Variants in GRK4 observed in about 807,000 individuals in gnomAD.
The protein encoded by GRK4 is G protein-coupled receptor kinase 2-like.
Under a neutral mutation model 77.9 loss-of-function variants are expected in GRK4, and 73 were observed. That is an observed-to-expected ratio of 0.94 (90% CI 0.78 to 1.14). GRK4 has a LOEUF of 1.14. GRK4 is among the 50% of genes most tolerant of loss of function. The probability of loss-of-function intolerance (pLI) is 0.00; values close to 1 mark genes in which losing one functional copy is unlikely to be tolerated. For missense variants in GRK4, 729 were observed against 700.2 expected (o/e 1.04, Z -0.46); for synonymous variants, 257 against 254.4 (o/e 1.01, Z -0.10).
chr4:3,032,318 T>TA lies in GRK4; in HGVS notation c.1269+2919dup, dbSNP rs386399080. On this transcript the variant is annotated intron_variant, in intron 12 of 15. Coordinates refer to ENST00000398052, the MANE Select transcript of GRK4 (RefSeq NM_182982.3). ...CAAGATGGTGAAATCCTATCTCTAC[T>TA]AAAAAAAAAATTAGCCAGGTGCGGT... is the stretch of plus-strand genomic sequence containing the variant. Among the ~76,000 whole-genome samples, 415 of 149,516 alleles carry TA rather than the reference T, an allele frequency of 2.8e-3. 1 individual carries two copies. Among genetic ancestry groups the TA allele is most frequent in the African/African-American group, 8.8e-3 (360 of 40,766 alleles).
intron 1 of GRK4, chr4:2,965,537 C>G: frequency 2.9e-6 from 2 of 689,336 alleles, no homozygotes; most frequent in Non-Finnish European, 5.3e-6. Context: ...CAGCAGCCGG[C>G]GATGCATATT....
chr4:2,972,189 C>T (rs999907904), intron 1 of GRK4, among the ~76,000 whole-genome samples: 1 of 152,138 alleles, frequency 6.6e-6, no homozygotes, highest in East Asian at 1.9e-4. Context: ...TAAGAGGAAT[C>T]CTCTGACAGT....
At chr4:3,024,499 G>C (rs1011731715) in intron 10 of GRK4, among the ~76,000 whole-genome samples, 2 of 152,108 alleles carry the variant, frequency 1.3e-5, no homozygotes, top group African/African-American at 4.8e-5. Flanking sequence ...GGGCTGTAGC[G>C]ATCCGCCTTG....
intron 15 of GRK4, 54 bp downstream of exon 15, chr4:3,038,567 A>C: frequency 7.6e-7 from 1 of 1,308,192 alleles, no homozygotes. Flanking sequence ...AAAAAAAAAC[A>C]TACTGACTGC....
intron 8 of GRK4, among the ~76,000 whole-genome samples, chr4:3,017,522 T>G (rs1560466212): frequency 6.6e-6 from 1 of 152,206 alleles, no homozygotes; most frequent in African/African-American, 2.4e-5. Flanking sequence ...TGAATGAATA[T>G]TCACAAGAGG....
chr4:2,995,730 C>G (rs1241142150), intron 4 of GRK4, among the ~76,000 whole-genome samples: 1 of 152,012 alleles, frequency 6.6e-6, no homozygotes, highest in Non-Finnish European at 1.5e-5. Flanking sequence ...GTGGGACACA[C>G]TTCCAAGTTG....
chr4:2,999,877 A>G (rs895752794), intron 4 of GRK4, among the ~76,000 whole-genome samples: 3 of 152,228 alleles, frequency 2.0e-5, no homozygotes, highest in East Asian at 1.9e-4. Flanking sequence ...TTGTAAATCA[A>G]ATACTGGTAA....
intron 3 of GRK4, among the ~76,000 whole-genome samples, chr4:2,990,179 A>G (rs1208784230): frequency 6.7e-6 from 1 of 149,790 alleles, no homozygotes; most frequent in Non-Finnish European, 1.5e-5. Context: ...TCCTTCCCTC[A>G]GATCTCTCCC....
rs1418479504 is a variant in GRK4 at position 3,019,653 on chromosome 4, T to C, written c.754T>C (p.Tyr252His). The C allele has an allele frequency of 1.2e-6, 2 of 1,612,830 alleles. No individual in the cohort carries two copies. Among genetic ancestry groups the C allele is most frequent in the African/African-American group, 1.3e-5 (1 of 75,006 alleles). ...TTGCTGTCTTTAGGTTAGTTTAGCC[T>C]ACGCTTATGAAACCAAAGATGCCTT... ...VQSRFVVSLAYAYETKDALCL... is the reference protein window; with the variant it reads ...VQSRFVVSLAHAYETKDALCL... Residue 252 changes from tyrosine (Y) to histidine (H), a missense_variant, in exon 9 of 16, where the codon TAC (tyrosine) becomes CAC (histidine). Tyr to His is a moderately conservative substitution (Grantham distance 83). Transcript: ENST00000398052.
intron 12 of GRK4, among the ~76,000 whole-genome samples, chr4:3,033,861 G>A (rs951935200): frequency 3.3e-5 from 5 of 152,206 alleles, no homozygotes; most frequent in South Asian, 2.1e-4. Context: ...CTGGGATTAC[G>A]GGCATGAGCC....
At chr4:3,023,948 G>C (rs1048169733) in intron 10 of GRK4, among the ~76,000 whole-genome samples, 2 of 152,182 alleles carry the variant, frequency 1.3e-5, no homozygotes, top group African/African-American at 4.8e-5. Flanking sequence ...ATGAGAAATG[G>C]TTAGAAGTGA....
chr4:3,025,984 C>T (rs79122244), intron 10 of GRK4, among the ~76,000 whole-genome samples: 1 of 152,350 alleles, frequency 6.6e-6, no homozygotes, highest in Admixed American at 6.5e-5. Context: ...GGCTTCCGTC[C>T]GTCTGCTGTG....
intron 3 of GRK4, among the ~76,000 whole-genome samples, chr4:2,990,246 CTTTTTTTTTTT>C (rs71644371): frequency 1.5e-3 from 108 of 70,760 alleles, no homozygotes; most frequent in East Asian, 3.9e-3. Context: ...TCTTCTTCTT[CTTTTTTTTTTT>C]TTTTTTTTTT....
chr4:3,035,703 G>T (rs1032329773), intron 13 of GRK4, among the ~76,000 whole-genome samples, 180 bp downstream of exon 13: 3 of 151,944 alleles, frequency 2.0e-5, no homozygotes, highest in African/African-American at 7.3e-5. Flanking sequence ...GATTATAGGC[G>T]TGAGCCACTG....
intron 9 of GRK4, 108 bp from the exon 10 acceptor site, chr4:3,022,306 G>T: frequency 2.0e-6 from 2 of 981,296 alleles, no homozygotes; most frequent in Middle Eastern, 4.6e-4. Context: ...GGGCAGTTTC[G>T]TGTTTTGCCG....
chr4:3,001,560 T>C (rs753089063), intron 4 of GRK4, among the ~76,000 whole-genome samples: 3 of 151,852 alleles, frequency 2.0e-5, no homozygotes, highest in Non-Finnish European at 2.9e-5. Flanking sequence ...TAGAGACAGG[T>C]TTCACCATGT....
chr4:2,993,049 T>C (rs1384924459), intron 4 of GRK4, among the ~76,000 whole-genome samples: 1 of 152,224 alleles, frequency 6.6e-6, no homozygotes, highest in African/African-American at 2.4e-5. Context: ...AATGTTCCTC[T>C]TTTGCATTTT....
In GRK4 at chr4:2,978,152, C is replaced by G. The variant is rs570359641; in HGVS notation, c.53-6361C>G. On this transcript the variant is annotated intron_variant, in intron 1 of 15. Transcript: ENST00000398052. ...AAAGTCAGTTGCTGTATTAATCTAT[C>G]CTAAAGATCCATATTGAGTGGGAAG... is the stretch of plus-strand genomic sequence containing the variant. Among the ~76,000 whole-genome samples the G allele has an allele frequency of 2.2e-4, 33 of 152,200 alleles. No individual in the cohort carries two copies. In the South Asian group the frequency reaches 6.6e-3, roughly 31 times the overall value.
Position 2,964,097 on chromosome 4 carries a change from C to G in GRK4, c.27C>G (p.Asn9Lys). The stretch of plus-strand genomic sequence containing the variant: ...TGGAGCTCGAGAACATCGTGGCCAA[C>G]TCGCTGCTGCTGAAAGCGCGTCAAG... MELENIVA[N>K]SLLLKARQGG... is the part of the protein sequence containing the mutation. The change falls in exon 1 of 16, where the codon AAC becomes AAG. Residue 9 changes from asparagine to lysine, a missense_variant. By Grantham distance (94) the Asn-to-Lys change is moderately conservative. Transcript: ENST00000398052. 1 of 1,608,030 alleles carries G rather than the reference C, an allele frequency of 6.2e-7. No individual in the cohort carries two copies. The highest frequency in any genetic ancestry group is 1.1e-5 in the South Asian group (1 of 90,110).
Sources: allele counts gnomAD v4.1 joint callset (sites outside exome capture counted in the v4.1 genomes callset), GRCh38; gene constraint gnomAD v4.1.1; transcripts MANE v1.5; gene names NCBI Gene and HGNC (gene_info 2026-07-23, HGNC 2026-07-21).